The following NRXN3 variants were observed in gnomAD, a reference collection of about 807,000 sequenced individuals.
NRXN3 encodes neurexin III.
In NRXN3, 32 loss-of-function variants were observed where a neutral mutation model predicts 137.6. That is an observed-to-expected ratio of 0.23 (90% CI 0.18 to 0.31). The LOEUF is 0.31. Ranked by LOEUF, NRXN3 falls within the 10% of genes least tolerant of loss-of-function variation. NRXN3 has a pLI of 1.00. For synonymous variants in NRXN3, 798 were observed against 784.5 expected, an observed-to-expected ratio of 1.02 and a Z score of -0.29; for missense variants, 1,574 against 2,062.5, an observed-to-expected ratio of 0.76 and a Z score of 4.59.
intron 16 of NRXN3, among the ~76,000 whole-genome samples, chr14:79,504,838 A>G (rs1044786896): frequency 1.3e-5 from 2 of 151,950 alleles, no homozygotes; most frequent in Non-Finnish European, 2.9e-5. Flanking sequence ...TTTGAAAAGC[A>G]TAAAGTAAAA....
intron 16 of NRXN3, among the ~76,000 whole-genome samples, chr14:79,556,865 T>C (rs1407151912): frequency 6.6e-6 from 1 of 152,190 alleles, no homozygotes; most frequent in Non-Finnish European, 1.5e-5. Context: ...CAACTAGCCA[T>C]GTCTTTTGGT....
Position 79,030,928 on chromosome 14 carries a change from T to A in NRXN3, c.3262+42787T>A, listed in dbSNP as rs141110124. On this transcript the variant is annotated intron_variant, in intron 15 of 20. Transcript: ENST00000335750. ...TTTGGACTGCCTCTCTCTGTTTGTA[T>A]CTTTCCAGCTATTTTTTATAGTCTC... Among the ~76,000 whole-genome samples, 410 of 152,206 alleles carry A rather than the reference T, an allele frequency of 2.7e-3. 4 individuals are homozygous for A. Among genetic ancestry groups the A allele is most frequent in the African/African-American group, 9.4e-3 (390 of 41,550 alleles).
intron 4 of NRXN3, among the ~76,000 whole-genome samples, chr14:78,415,664 C>T (rs1195655570): frequency 1.3e-5 from 2 of 152,128 alleles, no homozygotes; most frequent in Admixed American, 6.5e-5. Context: ...ATGTTTGTGT[C>T]CCCTTGAAAT....
chr14:79,450,164 C>A (rs2096142821), intron 15 of NRXN3, among the ~76,000 whole-genome samples: 1 of 151,958 alleles, frequency 6.6e-6, no homozygotes, highest in African/African-American at 2.4e-5. Flanking sequence ...AAACAGCATC[C>A]TTAAGTGACA....
chr14:78,467,357 A>G (rs1054698521), intron 4 of NRXN3, among the ~76,000 whole-genome samples: 1 of 152,248 alleles, frequency 6.6e-6, no homozygotes, highest in Non-Finnish European at 1.5e-5. Flanking sequence ...TACAGGTATA[A>G]AACCAAAACG....
chr14:79,304,648 T>C (rs954217536), intron 15 of NRXN3, among the ~76,000 whole-genome samples: 1 of 152,050 alleles, frequency 6.6e-6, no homozygotes, highest in Non-Finnish European at 1.5e-5. Context: ...ATAAGTGTGA[T>C]TGGTTGAGCT....
intron 15 of NRXN3, among the ~76,000 whole-genome samples, chr14:79,307,881 A>G (rs928312266): frequency 2.0e-5 from 3 of 151,676 alleles, no homozygotes; most frequent in African/African-American, 7.3e-5. Context: ...TTGCCATATG[A>G]AAGTACCAGT....
intron 10 of NRXN3, among the ~76,000 whole-genome samples, chr14:78,880,707 C>A (rs945313826): frequency 6.6e-6 from 1 of 152,152 alleles, no homozygotes; most frequent in Admixed American, 6.5e-5. Context: ...TGTATTTATT[C>A]ATATGGTACA....
intron 16 of NRXN3, among the ~76,000 whole-genome samples, chr14:79,552,800 TATACAG>T (rs982809801): frequency 1.3e-5 from 2 of 152,248 alleles, no homozygotes; most frequent in Non-Finnish European, 2.9e-5. Context: ...GTTGTTTTAT[TATACAG>T]ATAAAGTCTC....
intron 15 of NRXN3, among the ~76,000 whole-genome samples, chr14:79,077,415 T>TC (rs369550802): frequency 6.6e-6 from 1 of 152,190 alleles, no homozygotes; most frequent in Non-Finnish European, 1.5e-5. Context: ...TTCCTTTTTT[T>TC]CCTCTTCTTT....
chr14:79,357,118 A>G (rs192118535), intron 15 of NRXN3, among the ~76,000 whole-genome samples: 6 of 152,312 alleles, frequency 3.9e-5, no homozygotes, highest in Admixed American at 3.9e-4. Flanking sequence ...AATATGGCTG[A>G]TTCTAATGGA....
chr14:78,913,266 CTTTCTTTCTTTTT>C (rs2099244980), intron 10 of NRXN3, among the ~76,000 whole-genome samples: 1 of 71,314 alleles, frequency 1.4e-5, no homozygotes, highest in African/African-American at 7.1e-5. Flanking sequence ...TTCTTTCTTT[CTTTCTTTCTTTTT>C]TTTTTTTTTT....
intron 6 of NRXN3, among the ~76,000 whole-genome samples, chr14:78,697,061 A>G (rs552010124): frequency 6.6e-6 from 1 of 152,226 alleles, no homozygotes; most frequent in East Asian, 1.9e-4. Flanking sequence ...GTCATAGACA[A>G]CCATTCGTGA....
chr14:79,646,432 T>C (rs1263198844), intron 16 of NRXN3, among the ~76,000 whole-genome samples: 2 of 135,942 alleles, frequency 1.5e-5, no homozygotes, highest in Non-Finnish European at 3.4e-5. Context: ...ATTCTTCTAA[T>C]GTTTTTTCTC....
At position 79,867,367 on chromosome 14, in the gene NRXN3, G is replaced by A. The variant is rs540775727; in HGVS notation, c.*5403G>A. On this transcript the variant is annotated 3_prime_UTR_variant, in exon 21 of 21. Transcript: ENST00000335750. Reference sequence around the variant, plus strand: ...TGTATTTCTCAGTTCCAGAAACAAAGTTGCAGATCAAAGTTTGTTAGGGCT... The same window carrying A: ...TGTATTTCTCAGTTCCAGAAACAAAATTGCAGATCAAAGTTTGTTAGGGCT... 6.6e-6 allele frequency: 1 copy of A among 152,330 alleles called. No homozygotes were observed. Among genetic ancestry groups the A allele is most frequent in the South Asian group, 2.1e-4 (1 of 4,820 alleles). 9.4% of individuals were successfully genotyped at this position (152,330 alleles called of 1,614,324 possible). A position where few individuals can be genotyped will look rare whatever the true frequency, so the allele number is the denominator to read the frequency against.
chr14:78,671,097 A>G (rs2097929600), intron 6 of NRXN3, among the ~76,000 whole-genome samples: 1 of 151,886 alleles, frequency 6.6e-6, no homozygotes, highest in Admixed American at 6.5e-5. Context: ...AGAAGGCTTA[A>G]AAGGGAAAAT....
intron 10 of NRXN3, among the ~76,000 whole-genome samples, chr14:78,898,418 A>G (rs2099184936): frequency 6.6e-6 from 1 of 151,958 alleles, no homozygotes; most frequent in South Asian, 2.1e-4. Context: ...TACAGTGATG[A>G]TACGAATTGT....
chr14:79,393,926 A>T (rs2094936723), intron 15 of NRXN3, among the ~76,000 whole-genome samples: 2 of 152,242 alleles, frequency 1.3e-5, no homozygotes, highest in Admixed American at 1.3e-4. Flanking sequence ...TAGTGAATAC[A>T]TTGACAAAAT....
intron 15 of NRXN3, among the ~76,000 whole-genome samples, chr14:79,456,779 GAGGAGAGGAGAGGAT>G (rs976142877): frequency 5.9e-5 from 9 of 151,796 alleles, no homozygotes; most frequent in African/African-American, 9.7e-5. Context: ...AAGAGAAGCA[GAGGAGAGGAGAGGAT>G]AGGAGAGGAG....
Sources: allele counts gnomAD v4.1 joint callset (sites outside exome capture counted in the v4.1 genomes callset), GRCh38; gene constraint gnomAD v4.1.1; transcripts MANE v1.5; gene names NCBI Gene and HGNC (gene_info 2026-07-23, HGNC 2026-07-21).